PHF24: variants seen among roughly 807,000 people sequenced by gnomAD.
PHF24 encodes PHD finger protein 24.
PHF24 carries 25 observed loss-of-function variants against 42.6 expected under a neutral mutation model. That is an observed-to-expected ratio of 0.59 (90% CI 0.43 to 0.82). PHF24 has a LOEUF of 0.82. PHF24 is among the 40% of genes least tolerant of loss of function. The pLI is 0.00. For synonymous variants in PHF24, 185 were observed against 204.8 expected (o/e 0.90, Z 0.83); for missense variants, 470 against 538.1 (o/e 0.87, Z 1.25).
the PHF24 span, among the ~76,000 whole-genome samples, chr9:34,873,645 T>G: frequency 6.6e-6 from 1 of 151,490 alleles, no homozygotes; most frequent in African/African-American, 2.4e-5. Context: ...GCGTGATGCC[T>G]CCAGCTTTGT....
chr9:34,856,420 G>A, the PHF24 span, among the ~76,000 whole-genome samples: 1 of 152,184 alleles, frequency 6.6e-6, no homozygotes, highest in Non-Finnish European at 1.5e-5. Context: ...TCTACATTCA[G>A]TCTTTGAGTT....
exon 7 of PHF24, chr9:34,977,578 G>A (rs1405613991): frequency 1.2e-6 from 2 of 1,609,812 alleles, no homozygotes; most frequent in Admixed American, 1.7e-5. Context: ...GCAGATAGCA[G>A]CCCAGCCAGC....
At chr9:34,769,564 A>T in the PHF24 span, among the ~76,000 whole-genome samples, 1 of 152,202 alleles carries the variant, frequency 6.6e-6, no homozygotes, top group East Asian at 1.9e-4. Context: ...CAATTAGACA[A>T]GCTGATTCTA....
the PHF24 span, among the ~76,000 whole-genome samples, chr9:34,771,516 A>G: frequency 6.6e-6 from 1 of 152,236 alleles, no homozygotes; most frequent in East Asian, 1.9e-4. Flanking sequence ...AATTACAAAG[A>G]TAGTACAGAG....
the PHF24 span, among the ~76,000 whole-genome samples, chr9:34,720,761 G>GC: frequency 1.2e-4 from 18 of 152,248 alleles, no homozygotes; most frequent in South Asian, 4.2e-4. Flanking sequence ...CAGTCTCCAT[G>GC]CATTTAGAGC....
At chr9:34,828,081 C>T in the PHF24 span, among the ~76,000 whole-genome samples, 1 of 151,874 alleles carries the variant, frequency 6.6e-6, no homozygotes, top group South Asian at 2.1e-4. Flanking sequence ...TCCAGAATCC[C>T]TCTCTACCTC....
chr9:34,857,875 C>G, the PHF24 span, among the ~76,000 whole-genome samples: 56,368 of 151,662 alleles, frequency 0.37, 10,832 homozygotes, highest in East Asian at 0.66. Flanking sequence ...TTTTTAGTGT[C>G]AGAATTTCCA....
the PHF24 span, among the ~76,000 whole-genome samples, chr9:34,756,967 C>T: frequency 1.1e-4 from 16 of 152,116 alleles, no homozygotes; most frequent in Middle Eastern, 3.4e-3. Context: ...AGTGCAGTGG[C>T]GTGACTTGGC....
chr9:34,759,658 A>G, the PHF24 span, among the ~76,000 whole-genome samples: 1 of 152,066 alleles, frequency 6.6e-6, no homozygotes, highest in African/African-American at 2.4e-5. Flanking sequence ...TAACAGTTCT[A>G]TCACCCGTTA....
the PHF24 span, among the ~76,000 whole-genome samples, chr9:34,902,510 G>A: frequency 1.3e-5 from 2 of 152,142 alleles, no homozygotes; most frequent in Admixed American, 6.5e-5. Context: ...TTAGCCAGAC[G>A]TGGTGGCATG....
At chr9:34,671,795 T>C in the PHF24 span, among the ~76,000 whole-genome samples, 1 of 149,866 alleles carries the variant, frequency 6.7e-6, no homozygotes, top group Non-Finnish European at 1.5e-5. Flanking sequence ...TAATTGCCTG[T>C]ATTTTTCTGC....
the PHF24 span, among the ~76,000 whole-genome samples, chr9:34,943,575 C>T: frequency 1.3e-5 from 2 of 152,114 alleles, no homozygotes; most frequent in Non-Finnish European, 2.9e-5. Flanking sequence ...AGTAGTCCTC[C>T]AAATGTCTAG....
At chr9:34,693,886 T>C in the PHF24 span, among the ~76,000 whole-genome samples, 1 of 152,208 alleles carries the variant, frequency 6.6e-6, no homozygotes, top group Admixed American at 6.5e-5. Flanking sequence ...TTTGTTTGTT[T>C]TTTGTTTTTT....
At chr9:34,690,023 C>A in the PHF24 span, 1 of 1,613,786 alleles carries the variant, frequency 6.2e-7, no homozygotes, top group Non-Finnish European at 8.5e-7. Context: ...GTGTGGTGAA[C>A]CTGGGGTGAG....
the PHF24 span, among the ~76,000 whole-genome samples, chr9:34,748,376 TTC>T: frequency 2.0e-5 from 3 of 152,130 alleles, no homozygotes; most frequent in South Asian, 6.2e-4. Context: ...GGGGGCAGAT[TTC>T]TCATGAATGG....
chr9:34,769,697 A>G, the PHF24 span, among the ~76,000 whole-genome samples: 2 of 152,220 alleles, frequency 1.3e-5, no homozygotes, highest in Non-Finnish European at 2.9e-5. Flanking sequence ...TTAAAACAGT[A>G]TGGTACTTAT....
the PHF24 span, among the ~76,000 whole-genome samples, chr9:34,836,431 C>G: frequency 6.6e-6 from 1 of 152,206 alleles, no homozygotes; most frequent in Non-Finnish European, 1.5e-5. Context: ...GTCTTGCAGT[C>G]TCATTTGAGG....
At chr9:34,817,079 T>G in the PHF24 span, among the ~76,000 whole-genome samples, 1 of 152,238 alleles carries the variant, frequency 6.6e-6, no homozygotes, top group Non-Finnish European at 1.5e-5. Context: ...TTAAATCAAC[T>G]AGGACAGATA....
the PHF24 span, among the ~76,000 whole-genome samples, chr9:34,822,065 C>T: frequency 6.6e-6 from 1 of 152,176 alleles, no homozygotes; most frequent in Non-Finnish European, 1.5e-5. Context: ...TTCTGTATCT[C>T]CTGGCATTTG....
Sources: allele counts gnomAD v4.1 joint callset (sites outside exome capture counted in the v4.1 genomes callset), GRCh38; gene constraint gnomAD v4.1.1; transcripts MANE v1.5; gene names NCBI Gene and HGNC (gene_info 2026-07-23, HGNC 2026-07-21).